Variants in SRGAP2 observed in about 807,000 individuals in gnomAD.
The protein encoded by SRGAP2 is SLIT-ROBO Rho GTPase-activating protein 2.
In SRGAP2, 15 loss-of-function variants were observed where a neutral mutation model predicts 57.2. The ratio of observed to expected loss-of-function variants is 0.26; its 90% CI spans 0.18 to 0.40. The LOEUF is 0.40. Among genes scored for constraint, SRGAP2 ranks in the 10% least tolerant of loss-of-function variants. SRGAP2 has a pLI of 1.00. For synonymous variants in SRGAP2, 249 were observed against 248.0 expected, an observed-to-expected ratio of 1.00 and a Z score of -0.04; for missense variants, 520 against 669.6, an observed-to-expected ratio of 0.78 and a Z score of 2.47.
At chr1:206,451,439 G>T (rs1553375917) in intron 19 of SRGAP2, among the ~76,000 whole-genome samples, 1 of 152,100 alleles carries the variant, frequency 6.6e-6, no homozygotes, top group Non-Finnish European at 1.5e-5. Flanking sequence ...GATCACATGG[G>T]CTCTGGAAGT....
At chr1:206,384,364 A>AATGGG (rs1476180581) in intron 5 of SRGAP2, among the ~76,000 whole-genome samples, 1 of 152,040 alleles carries the variant, frequency 6.6e-6, no homozygotes, top group Non-Finnish European at 1.5e-5. Context: ...TCATTGGCAC[A>AATGGG]ATGGACCCTG....
chr1:206,459,319 C>T (rs1353786643), intron 22 of SRGAP2, among the ~76,000 whole-genome samples: 3 of 152,176 alleles, frequency 2.0e-5, no homozygotes, highest in South Asian at 4.1e-4. Context: ...AGGTGTAATC[C>T]TGGCCACATG....
At chr1:206,341,228 T>C (rs1675162617) in intron 3 of SRGAP2, among the ~76,000 whole-genome samples, 2 of 152,232 alleles carry the variant, frequency 1.3e-5, no homozygotes, top group African/African-American at 4.8e-5. Context: ...TAGTGCTGAA[T>C]GGAGGCAGTA....
intron 13 of SRGAP2, among the ~76,000 whole-genome samples, chr1:206,426,040 T>C (rs1043679957): frequency 6.6e-6 from 1 of 151,890 alleles, no homozygotes; most frequent in African/African-American, 2.4e-5. Context: ...AGAGACAAAG[T>C]TTTACCATGT....
intron 14 of SRGAP2, among the ~76,000 whole-genome samples, chr1:206,435,002 A>C (rs1252202501): frequency 6.6e-6 from 1 of 152,244 alleles, no homozygotes; most frequent in South Asian, 2.1e-4. Flanking sequence ...TCTTTAAACA[A>C]CATTATCTGG....
At chr1:206,423,275 G>T (rs1454256666) in intron 13 of SRGAP2, among the ~76,000 whole-genome samples, 2 of 152,116 alleles carry the variant, frequency 1.3e-5, no homozygotes, top group Non-Finnish European at 2.9e-5. Flanking sequence ...CTAAATTGAA[G>T]CATTTCTCCA....
chr1:206,436,542 C>A (rs545639578), intron 14 of SRGAP2, among the ~76,000 whole-genome samples: 1 of 151,546 alleles, frequency 6.6e-6, no homozygotes, highest in Non-Finnish European at 1.5e-5. Flanking sequence ...TTTTTAGAGA[C>A]AGGGTCTCAT....
At chr1:206,413,419 G>A (rs1176295454) in intron 10 of SRGAP2, among the ~76,000 whole-genome samples, 8 of 152,206 alleles carry the variant, frequency 5.3e-5, no homozygotes, top group Admixed American at 5.2e-4. Context: ...AGGTGAGCTG[G>A]CATCTGGAGC....
chr1:206,375,825 T>C (rs1248557210), intron 4 of SRGAP2, among the ~76,000 whole-genome samples: 1 of 152,062 alleles, frequency 6.6e-6, no homozygotes, highest in Admixed American at 6.5e-5. Context: ...AAAGTTCACA[T>C]CATGCCAAGG....
chr1:206,437,814 C>T, intron 15 of SRGAP2, 150 bp from the exon 16 acceptor site: 1 of 649,864 alleles, frequency 1.5e-6, no homozygotes. Context: ...TATCTGTTCC[C>T]TGGTCTGTCC....
At chr1:206,413,506 GAACA>G in intron 10 of SRGAP2, among the ~76,000 whole-genome samples, 1 of 152,304 alleles carries the variant, frequency 6.6e-6, no homozygotes, top group Middle Eastern at 3.4e-3. Context: ...AGGACAGAGG[GAACA>G]GATCATGAAT....
intron 4 of SRGAP2, among the ~76,000 whole-genome samples, chr1:206,370,544 A>G (rs1159646674): frequency 6.6e-6 from 1 of 152,160 alleles, no homozygotes; most frequent in Non-Finnish European, 1.5e-5. Flanking sequence ...TGTCCAGAGT[A>G]TGCAAATCTA....
chr1:206,401,289 G>A (rs1320368050), intron 7 of SRGAP2, 132 bp from the exon 8 acceptor site: 34 of 714,808 alleles, frequency 4.8e-5, no homozygotes, highest in Non-Finnish European at 7.6e-5. Flanking sequence ...TTGGAAGTCG[G>A]AATGTCAGCC....
At chr1:206,314,168 C>A (rs1368919270) in intron 3 of SRGAP2, among the ~76,000 whole-genome samples, 1 of 143,520 alleles carries the variant, frequency 7.0e-6, no homozygotes, top group East Asian at 2.1e-4. Flanking sequence ...GAGTTTCGCT[C>A]TTGTTGCCCA....
intron 11 of SRGAP2, among the ~76,000 whole-genome samples, chr1:206,418,689 C>A (rs759569325): frequency 6.6e-6 from 1 of 152,022 alleles, no homozygotes. Flanking sequence ...CTAGCAATGA[C>A]CCATTAAACT....
chr1:206,389,878 T>C (rs1388873946), intron 5 of SRGAP2, among the ~76,000 whole-genome samples: 43 of 151,224 alleles, frequency 2.8e-4, no homozygotes, highest in African/African-American at 1.0e-3. Flanking sequence ...GATAGAAGTA[T>C]GTATATGTAT....
At position 206,463,335 on chromosome 1, in the gene SRGAP2, T is replaced by TG. The variant is rs1553381672; in HGVS notation, c.*1916dup. 6.6e-6 allele frequency: 1 copy of TG among 152,644 alleles called. No homozygotes were observed. Among genetic ancestry groups the TG allele is most frequent in the African/African-American group, 2.4e-5 (1 of 41,450 alleles). 9.5% of individuals were successfully genotyped at this position (152,644 alleles called of 1,614,324 possible). ...AGTCTTGATTTTTGTTGCTGTTTCCTGACCTGTTCTTGCCTGTCACCTGGG... is the reference window on the plus strand; with the variant it reads ...AGTCTTGATTTTTGTTGCTGTTTCCTGGACCTGTTCTTGCCTGTCACCTGGG... On this transcript the variant is annotated 3_prime_UTR_variant, in exon 23 of 23. Coordinates refer to ENST00000573034, the MANE Select transcript of SRGAP2 (RefSeq NM_015326.5).
In SRGAP2 at chr1:206,421,275, G is replaced by A; in HGVS notation, c.1494+1G>A. ...GCGCAGCTCAACTGTGAGGAAACAGGTAAGGGCCCAAGCGGGGCCAGGCTG... is the reference window on the plus strand; with the variant it reads ...GCGCAGCTCAACTGTGAGGAAACAGATAAGGGCCCAAGCGGGGCCAGGCTG... On this transcript the variant is annotated splice_donor_variant, in intron 13 of 22. Transcript: ENST00000573034. LOFTEE classifies it high-confidence loss of function. 1 of 779,022 alleles carries A rather than the reference G, an allele frequency of 1.3e-6. No homozygotes were observed. The allele number at this position is 779,022 out of a possible 1,614,324, so 48.3% of individuals were successfully genotyped here.
rs1336058579 is a variant in SRGAP2, at chr1:206,240,739, A to G, written c.67+34702A>G. On this transcript the variant is annotated intron_variant, in intron 2 of 22. Transcript: ENST00000573034. The stretch of plus-strand genomic sequence containing the variant: ...TGAGGAAACTAAGGCTCAGAAATTA[A>G]GATACGTGCTCATGGTAACACAGGT... Among the ~76,000 whole-genome samples, 3 of 152,200 alleles carry G rather than the reference A, an allele frequency of 2.0e-5. No homozygotes were observed. In the East Asian group the frequency reaches 5.8e-4, roughly 29 times the overall value.
Sources: allele counts gnomAD v4.1 joint callset (sites outside exome capture counted in the v4.1 genomes callset), GRCh38; gene constraint gnomAD v4.1.1; transcripts MANE v1.5; gene names NCBI Gene and HGNC (gene_info 2026-07-23, HGNC 2026-07-21).